The following SERPINB11 variants were observed in gnomAD, a reference collection of about 807,000 sequenced individuals.
The protein encoded by SERPINB11 is serpin family B member 11.
SERPINB11 carries 32 observed loss-of-function variants against 36.7 expected under a neutral mutation model. The observed-to-expected ratio is 0.87, with a 90% CI of 0.66 to 1.17. The LOEUF is 1.17. SERPINB11 is among the 50% of genes most tolerant of loss of function. The pLI is 0.00. For synonymous variants in SERPINB11, 174 were observed against 168.1 expected, an observed-to-expected ratio of 1.04 and a Z score of -0.27; for missense variants, 528 against 458.4, an observed-to-expected ratio of 1.15 and a Z score of -1.39.
At chr18:63,704,260 A>G (rs182182966) in intron 1 of SERPINB11, among the ~76,000 whole-genome samples, 8 of 152,364 alleles carry the variant, frequency 5.3e-5, no homozygotes, top group Non-Finnish European at 7.3e-5. Context: ...AGGAATACCA[A>G]CATATTAAAT....
chr18:63,715,700 C>T (rs1914650136), intron 4 of SERPINB11, among the ~76,000 whole-genome samples: 1 of 152,154 alleles, frequency 6.6e-6, no homozygotes, highest in East Asian at 1.9e-4. Flanking sequence ...ACTTCCATGT[C>T]TACTTTGAAG....
intron 1 of SERPINB11, among the ~76,000 whole-genome samples, chr18:63,709,649 AAG>A (rs34538885): frequency 1.5e-4 from 13 of 87,872 alleles, no homozygotes; most frequent in Admixed American, 2.4e-4. Flanking sequence ...ATAAAATAAA[AAG>A]TAAAATAAAA....
At chr18:63,714,755 A>G (rs1342695808) in intron 4 of SERPINB11, among the ~76,000 whole-genome samples, 1 of 152,154 alleles carries the variant, frequency 6.6e-6, no homozygotes, top group Non-Finnish European at 1.5e-5. Context: ...CCCAGATTTC[A>G]TATTGTTTAA....
intron 4 of SERPINB11, among the ~76,000 whole-genome samples, chr18:63,715,629 A>G (rs943210383): frequency 6.6e-6 from 1 of 152,188 alleles, no homozygotes; most frequent in African/African-American, 2.4e-5. Flanking sequence ...TAGACCTCAG[A>G]AAAGCAAGTC....
intron 1 of SERPINB11, among the ~76,000 whole-genome samples, chr18:63,703,749 C>T (rs958447522): frequency 1.3e-5 from 2 of 152,132 alleles, no homozygotes; most frequent in African/African-American, 4.8e-5. Context: ...AGATGTATTT[C>T]CCCCAAAAGG....
intron 4 of SERPINB11, among the ~76,000 whole-genome samples, chr18:63,713,366 G>A (rs1490711677): frequency 1.3e-5 from 2 of 152,166 alleles, no homozygotes; most frequent in South Asian, 2.1e-4. Context: ...AGGCTGATAA[G>A]GGTCACAGAC....
intron 5 of SERPINB11, among the ~76,000 whole-genome samples, chr18:63,716,794 TC>T (rs1321826697): frequency 7.9e-6 from 1 of 127,104 alleles, no homozygotes; most frequent in Non-Finnish European, 1.6e-5. Flanking sequence ...CCCAGTTGGC[TC>T]TTTTTTTTTT....
At chr18:63,710,717 A>G (rs1230299721) in intron 2 of SERPINB11, among the ~76,000 whole-genome samples, 1 of 152,226 alleles carries the variant, frequency 6.6e-6, no homozygotes, top group Non-Finnish European at 1.5e-5. Flanking sequence ...GCTATTTTAG[A>G]CATTACCAAG....
Position 63,720,058 on chromosome 18 carries a change from C to A in SERPINB11, c.521C>A (p.Ser174Tyr). 1 of 1,609,554 alleles carries A rather than the reference C, an allele frequency of 6.2e-7. No homozygotes were observed. The highest frequency in any genetic ancestry group is 8.5e-7 in the Non-Finnish European group (1 of 1,177,034). ...GGAAAGAGCACAATTGACCCTTCAT[C>A]TGTAATGGTCCTGGTGAATGCCATA... is the stretch of plus-strand genomic sequence containing the variant. Reference protein sequence around the residue: ...LFGKSTIDPSSVMVLVNAIYF... With the variant: ...LFGKSTIDPSYVMVLVNAIYF... Residue 174 changes from serine (S) to tyrosine (Y), a missense_variant, in exon 6 of 8, where the codon TCT becomes TAT. By Grantham distance (144) the Ser-to-Tyr change is moderately radical. Transcript: ENST00000544088.
intron 4 of SERPINB11, among the ~76,000 whole-genome samples, 179 bp downstream of exon 4, chr18:63,712,872 A>G (rs946384403): frequency 3.9e-5 from 6 of 152,254 alleles, no homozygotes; most frequent in African/African-American, 1.4e-4. Flanking sequence ...GTTCCCAAAT[A>G]TCACATAAAA....
intron 4 of SERPINB11, among the ~76,000 whole-genome samples, chr18:63,714,454 TCC>T (rs1429026748): frequency 3.9e-5 from 6 of 152,234 alleles, no homozygotes; most frequent in Admixed American, 3.9e-4. Context: ...AATTTCCTCG[TCC>T]TGATAGGCCT....
chr18:63,711,238 T>G, intron 2 of SERPINB11, 97 bp from the exon 3 acceptor site: 1 of 845,652 alleles, frequency 1.2e-6, no homozygotes, highest in South Asian at 1.4e-5. Context: ...ACTACTGATC[T>G]TGATCTAAAA....
In SERPINB11 at chr18:63,723,347, G is replaced by A; in HGVS notation, c.1127G>A (p.Arg376Lys). The change falls in exon 8 of 8, where the codon AGG becomes AAG. Residue 376 changes from arginine to lysine, a missense_variant. Coordinates refer to ENST00000544088, the MANE Select transcript of SERPINB11 (RefSeq NM_001370475.1). Reference protein sequence around the residue: ...KANHPFLFFIRHTHTNTILFC... With the variant: ...KANHPFLFFIKHTHTNTILFC... ...AACCACCCCTTCCTTTTCTTTATAA[G>A]GCACACTCATACCAACACGATCCTA... 6.2e-7 allele frequency: 1 copy of A among 1,613,802 alleles called. No individual in the cohort carries two copies. The highest frequency in any genetic ancestry group is 8.5e-7 in the Non-Finnish European group (1 of 1,179,786).
At chr18:63,715,941 C>A in intron 4 of SERPINB11, 94 bp from the exon 5 acceptor site, 1 of 678,930 alleles carries the variant, frequency 1.5e-6, no homozygotes, top group Non-Finnish European at 2.4e-6. Context: ...CTGCTTTTTT[C>A]TCTGCATTAG....
At chr18:63,714,210 G>C (rs534287165) in intron 4 of SERPINB11, among the ~76,000 whole-genome samples, 1 of 152,218 alleles carries the variant, frequency 6.6e-6, no homozygotes, top group East Asian at 1.9e-4. Flanking sequence ...CGCAAAACCA[G>C]CAATTTTTTA....
chr18:63,722,327 G>A (rs111788481), intron 7 of SERPINB11, among the ~76,000 whole-genome samples: 1,759 of 152,326 alleles, frequency 0.012, 45 homozygotes, highest in African/African-American at 0.04. Context: ...GTTTGCAGCT[G>A]TGGACAGGGC....
At chr18:63,716,506 G>A (rs1004564500) in intron 5 of SERPINB11, among the ~76,000 whole-genome samples, 1 of 151,942 alleles carries the variant, frequency 6.6e-6, no homozygotes, top group Admixed American at 6.6e-5. Flanking sequence ...GATATACAAA[G>A]GTAAAGAGAA....
chr18:63,704,931 C>T (rs9963255), intron 1 of SERPINB11, among the ~76,000 whole-genome samples: 56,518 of 152,012 alleles, frequency 0.37, 11,365 homozygotes, highest in East Asian at 0.61. Context: ...CATCTGCCAT[C>T]GGCAAATGAA....
intron 1 of SERPINB11, among the ~76,000 whole-genome samples, chr18:63,708,855 C>G (rs1417644599): frequency 6.6e-6 from 1 of 152,054 alleles, no homozygotes; most frequent in Non-Finnish European, 1.5e-5. Context: ...ATTGTGATGT[C>G]TAGAGGTTGA....
Sources: gnomAD v4.1 joint callset for allele counts (sites outside exome capture counted in the v4.1 genomes callset) on GRCh38, gnomAD v4.1.1 for gene constraint, MANE v1.5 for transcripts, NCBI Gene and HGNC (gene_info 2026-07-23, HGNC 2026-07-21) for gene names.